Variants in DLC1 observed in about 807,000 individuals in gnomAD.
The protein encoded by DLC1 is rho GTPase-activating protein 7.
Under a neutral mutation model 140.3 loss-of-function variants are expected in DLC1, and 54 were observed. The observed-to-expected ratio is 0.38, with a 90% CI of 0.31 to 0.48. The LOEUF is 0.48. DLC1 is among the 20% of genes least tolerant of loss of function. The pLI is 0.96. For missense variants in DLC1, 2,536 were observed against 1,907.0 expected (o/e 1.33, Z -6.14); for synonymous variants, 986 against 728.1 (o/e 1.35, Z -5.70).
chr8:13,243,499 C>A (rs1012314007), intron 5 of DLC1, among the ~76,000 whole-genome samples: 3 of 151,962 alleles, frequency 2.0e-5, no homozygotes, highest in African/African-American at 7.3e-5. Context: ...TAGTTTTGTA[C>A]AGCCATGTGA....
chr8:13,317,436 C>T (rs3848999), intron 4 of DLC1, among the ~76,000 whole-genome samples: 73,886 of 152,016 alleles, frequency 0.49, 19,151 homozygotes, highest in East Asian at 0.84. Context: ...GATGAGATTG[C>T]TTTGCTAACT....
chr8:13,539,410 C>T (rs1803409783), intron 1 of DLC1, among the ~76,000 whole-genome samples: 1 of 152,060 alleles, frequency 6.6e-6, no homozygotes, highest in Non-Finnish European at 1.5e-5. Context: ...TCGTGTTAGC[C>T]AAGATGGTCT....
chr8:13,429,881 C>G (rs1838777521), intron 2 of DLC1, among the ~76,000 whole-genome samples: 1 of 152,150 alleles, frequency 6.6e-6, no homozygotes, highest in Non-Finnish European at 1.5e-5. Flanking sequence ...ACAGAAAATT[C>G]AAAGGTTAAA....
intron 5 of DLC1, among the ~76,000 whole-genome samples, chr8:13,150,042 T>G (rs1288019474): frequency 5.3e-5 from 8 of 152,236 alleles, no homozygotes; most frequent in African/African-American, 1.9e-4. Flanking sequence ...AAGGGTGTTG[T>G]ATTGCCCATA....
chr8:13,355,902 G>T (rs1198175496), intron 4 of DLC1, among the ~76,000 whole-genome samples: 1 of 150,622 alleles, frequency 6.6e-6, no homozygotes, highest in Non-Finnish European at 1.5e-5. Flanking sequence ...GGCTAACATG[G>T]TGAAACCCCG....
chr8:13,499,171 G>T lies in DLC1; in HGVS notation c.901C>A (p.Gln301Lys), dbSNP rs765589908. 1 of 1,614,140 alleles carries T rather than the reference G, an allele frequency of 6.2e-7. No individual in the cohort carries two copies. Among genetic ancestry groups the T allele is most frequent in the Non-Finnish European group, 8.5e-7 (1 of 1,180,010 alleles). ...TTTGGTGGACTTTTGTTTTGATGTT[G>T]TGAAAAACCACTCTTCTCCAGGCCA... ...ENGLEKSGFSQHQNKSPPKVK... is the reference protein window; with the variant it reads ...ENGLEKSGFSKHQNKSPPKVK... The change falls in exon 2 of 18, where the codon CAA becomes AAA. Residue 301 changes from glutamine to lysine, a missense_variant. Transcript: ENST00000276297.
intron 1 of DLC1, among the ~76,000 whole-genome samples, chr8:13,576,908 A>C (rs1440212640): frequency 6.6e-6 from 1 of 152,214 alleles, no homozygotes; most frequent in Non-Finnish European, 1.5e-5. Context: ...TGAAAATGGC[A>C]CTGAACAGAG....
intron 1 of DLC1, among the ~76,000 whole-genome samples, chr8:13,563,087 C>G (rs1585277855): frequency 6.6e-6 from 1 of 152,232 alleles, no homozygotes; most frequent in East Asian, 1.9e-4. Context: ...GAGAAGAAAA[C>G]TAAACTTCTC....
chr8:13,276,482 G>C, intron 5 of DLC1: 2 of 1,332,794 alleles, frequency 1.5e-6, no homozygotes, highest in African/African-American at 1.5e-5. Flanking sequence ...CCCGGCCGCA[G>C]GCTGTCGCCT....
intron 5 of DLC1, among the ~76,000 whole-genome samples, chr8:13,219,147 TATATAATTATATGAATATAAC>T: frequency 1.7e-5 from 1 of 57,154 alleles, no homozygotes; most frequent in Non-Finnish European, 3.4e-5. Flanking sequence ...TGAATATAAT[TATATAATTATATGAATATAAC>T]TATATAATTA....
chr8:13,149,799 A>T (rs990364867), intron 5 of DLC1, among the ~76,000 whole-genome samples: 1 of 152,244 alleles, frequency 6.6e-6, no homozygotes, highest in African/African-American at 2.4e-5. Context: ...CTGGAATAAA[A>T]CAGGTGATTG....
In DLC1 at chr8:13,520,350, A is replaced by G. The variant is rs1398389398; in HGVS notation, c.-125-20154T>C. Among the ~76,000 whole-genome samples, 3 of 152,266 alleles carry G rather than the reference A, an allele frequency of 2.0e-5. No homozygotes were observed. In the East Asian group the frequency reaches 5.8e-4, roughly 29 times the overall value. ...GACATGGATGAAGCTGGAAACCATC[A>G]TTCTCAGCAAAGTATCACAAGATCA... On this transcript the variant is annotated intron_variant, in intron 1 of 1. Coordinates refer to the DLC1 transcript ENST00000631382.
At chr8:13,538,505 C>T (rs537068409) in intron 1 of DLC1, among the ~76,000 whole-genome samples, 40 of 152,164 alleles carry the variant, frequency 2.6e-4, no homozygotes, top group Middle Eastern at 3.4e-3. Context: ...AGCTGTGTCT[C>T]CTCTTGTTCT....
intron 2 of DLC1, among the ~76,000 whole-genome samples, chr8:13,402,589 C>G (rs1176768836): frequency 1.3e-5 from 2 of 152,202 alleles, no homozygotes; most frequent in African/African-American, 4.8e-5. Flanking sequence ...CTCCATCTGT[C>G]TGATTGTATT....
intron 1 of DLC1, among the ~76,000 whole-genome samples, chr8:13,512,662 G>A (rs1031807475): frequency 5.3e-5 from 8 of 152,128 alleles, no homozygotes; most frequent in Admixed American, 5.2e-4. Context: ...AAGGATGCCT[G>A]GGGGTGGTGC....
chr8:13,468,811 CTTTTTTTTTTTT>C (rs78775803), intron 2 of DLC1, among the ~76,000 whole-genome samples: 49 of 89,954 alleles, frequency 5.4e-4, no homozygotes, highest in Admixed American at 1.2e-3. Flanking sequence ...TTTATGTCTG[CTTTTTTTTTTTT>C]TTTTTTTTTT....
intron 4 of DLC1, among the ~76,000 whole-genome samples, chr8:13,380,875 A>C (rs1836221915): frequency 6.6e-6 from 1 of 152,216 alleles, no homozygotes; most frequent in Admixed American, 6.5e-5. Context: ...TAATAGGATC[A>C]AGAATTGAGA....
chr8:13,524,662 G>A (rs553203729), intron 1 of DLC1, among the ~76,000 whole-genome samples: 3 of 151,568 alleles, frequency 2.0e-5, no homozygotes, highest in African/African-American at 7.3e-5. Context: ...GCAAAGAAAG[G>A]CATTGTTTTT....
chr8:13,105,820 C>T (rs752841185), intron 7 of DLC1, among the ~76,000 whole-genome samples: 7 of 152,078 alleles, frequency 4.6e-5, no homozygotes, highest in Non-Finnish European at 1.0e-4. Context: ...TCAGGCAATC[C>T]GCTCATCTCG....
Sources: gnomAD v4.1 joint callset for allele counts (sites outside exome capture counted in the v4.1 genomes callset) on GRCh38, gnomAD v4.1.1 for gene constraint, MANE v1.5 for transcripts, NCBI Gene and HGNC (gene_info 2026-07-23, HGNC 2026-07-21) for gene names.